Variants in KLHL8 observed in about 807,000 individuals in gnomAD.
The protein encoded by KLHL8 is kelch like family member 8, also known as kelch-like protein 8.
Under a neutral mutation model 63.5 loss-of-function variants are expected in KLHL8, and 38 were observed. The observed-to-expected ratio is 0.60, with a 90% CI of 0.46 to 0.78. The LOEUF is 0.78. KLHL8 is among the 30% of genes least tolerant of loss of function. KLHL8 has a pLI of 0.00. For missense variants in KLHL8, 566 were observed against 752.4 expected, an observed-to-expected ratio of 0.75 and a Z score of 2.90; for synonymous variants, 224 against 254.3, an observed-to-expected ratio of 0.88 and a Z score of 1.13.
intron 1 of KLHL8, chr4:87,219,543 A>G (rs1732736372): frequency 6.6e-6 from 1 of 152,264 alleles, no homozygotes; most frequent in Admixed American, 6.5e-5. Context: ...GAAAATACTG[A>G]ACGTTTTCTA....
upstream of KLHL8, among the ~76,000 whole-genome samples, chr4:87,223,125 GTTTGTTTTGT>G (rs397817772): frequency 9.5e-5 from 14 of 147,830 alleles, no homozygotes; most frequent in East Asian, 4.1e-4. Context: ...TAATTTTTTT[GTTTGTTTTGT>G]TTTGTTTTGT....
intron 1 of KLHL8, among the ~76,000 whole-genome samples, chr4:87,233,543 A>G (rs4458419): frequency 0.62 from 93,703 of 151,874 alleles, 29,384 homozygotes; most frequent in East Asian, 0.85. Context: ...CTGTACTCCA[A>G]CCTGGGCAAC....
chr4:87,211,713 C>A (rs985941229), intron 1 of KLHL8, among the ~76,000 whole-genome samples: 5 of 152,058 alleles, frequency 3.3e-5, no homozygotes, highest in Non-Finnish European at 7.4e-5. Flanking sequence ...TTGCAATGAG[C>A]CGAGATCACT....
At chr4:87,213,659 A>G (rs1462334968) in intron 1 of KLHL8, among the ~76,000 whole-genome samples, 3 of 152,216 alleles carry the variant, frequency 2.0e-5, no homozygotes, top group African/African-American at 4.8e-5. Context: ...TTTTTAAAAG[A>G]ACACAGCATG....
At chr4:87,221,582 C>A (rs1732854432), upstream of KLHL8, among the ~76,000 whole-genome samples, 1 of 151,894 alleles carries the variant, frequency 6.6e-6, no homozygotes, top group African/African-American at 2.4e-5. Context: ...CAAACTTTCA[C>A]AATCCTAGGA....
chr4:87,235,923 A>C (rs1164805661), intron 1 of KLHL8, among the ~76,000 whole-genome samples: 1 of 152,050 alleles, frequency 6.6e-6, no homozygotes, highest in Non-Finnish European at 1.5e-5. Flanking sequence ...GGGAAGGGGG[A>C]ATCGAAGGCG....
rs906332246 is a variant in KLHL8, at chr4:87,162,965, C to G, written c.*554G>C. On this transcript the variant is annotated 3_prime_UTR_variant, in exon 10 of 10. Coordinates refer to ENST00000273963, the MANE Select transcript of KLHL8 (RefSeq NM_020803.5). ...CTAAGTGGCATTCAAAAAGACAGAA[C>G]ATTTTTTCTACTTCCGTAAATATAA... The G allele has an allele frequency of 1.3e-5, 2 of 151,892 alleles. No homozygotes were observed. The highest frequency in any genetic ancestry group is 4.2e-4 in the South Asian group (2 of 4,802). The allele number at this position is 151,892 out of a possible 1,614,324, so 9.4% of individuals were successfully genotyped here. A position where few individuals can be genotyped will look rare whatever the true frequency, so the allele number is the denominator to read the frequency against.
intron 2 of KLHL8, 25 bp downstream of exon 2, chr4:87,195,299 A>G: frequency 6.3e-7 from 1 of 1,595,846 alleles, no homozygotes; most frequent in Non-Finnish European, 8.6e-7. Context: ...GAGGCCTGAG[A>G]AAAGTACAAA....
intron 8 of KLHL8, among the ~76,000 whole-genome samples, chr4:87,169,674 C>A (rs1730561443): frequency 6.6e-6 from 1 of 152,048 alleles, no homozygotes. Context: ...CCAGCCTGGG[C>A]AACACAGCAA....
chr4:87,191,540 T>C (rs1057015205), intron 2 of KLHL8, among the ~76,000 whole-genome samples: 6 of 152,234 alleles, frequency 3.9e-5, no homozygotes, highest in African/African-American at 1.4e-4. Flanking sequence ...CTTACAGTTT[T>C]ATTTTTATTT....
chr4:87,213,420 C>T (rs1039133821), intron 1 of KLHL8, among the ~76,000 whole-genome samples: 3 of 152,136 alleles, frequency 2.0e-5, no homozygotes, highest in Admixed American at 1.3e-4. Context: ...TGAAACCAAA[C>T]GAAAAGCACA....
intron 1 of KLHL8, among the ~76,000 whole-genome samples, chr4:87,232,706 A>G (rs1213061022): frequency 6.6e-6 from 1 of 152,190 alleles, no homozygotes; most frequent in African/African-American, 2.4e-5. Flanking sequence ...CTTAATTTAT[A>G]CCAGTGGTAG....
chr4:87,195,166 T>C lies in KLHL8; in HGVS notation c.216+158A>G, dbSNP rs141021222. 2.6e-3 allele frequency among the ~76,000 whole-genome samples: 403 copies of C among 152,258 alleles called. 4 individuals carry two copies. The highest frequency in any genetic ancestry group is 9.3e-3 in the African/African-American group (386 of 41,540). On this transcript the variant is annotated intron_variant, in intron 2 of 9. Transcript: ENST00000273963. ...AACTTCTCTTCATTTACCCTCTATG[T>C]CCTTTCTCCTACACTAAAAAAAAAG...
rs547285890 is a variant in KLHL8 at position 87,183,398 on chromosome 4, A to G, written c.766-9T>C. On this transcript the variant is annotated splice_polypyrimidine_tract_variant and intron_variant, in intron 3 of 9. Coordinates refer to ENST00000273963, the MANE Select transcript of KLHL8 (RefSeq NM_020803.5). ...AACAATGGCAGGCGAACCTAAGATC[A>G]TGAATAGTTGCAATACAACAAATTT... is the stretch of plus-strand genomic sequence containing the variant. 2.4e-5 allele frequency: 38 copies of G among 1,575,066 alleles called. No individual in the cohort carries two copies. The African/African-American group carries it at 2.4e-4, about 10-fold the overall frequency.
At chr4:87,228,780 T>C (rs1170106846) in intron 1 of KLHL8, among the ~76,000 whole-genome samples, 1 of 152,238 alleles carries the variant, frequency 6.6e-6, no homozygotes, top group Non-Finnish European at 1.5e-5. Context: ...CCCTGGACTT[T>C]GACCATTTTT....
chr4:87,175,422 T>C (rs1347374888), intron 6 of KLHL8, among the ~76,000 whole-genome samples: 3 of 152,186 alleles, frequency 2.0e-5, no homozygotes, highest in Non-Finnish European at 2.9e-5. Flanking sequence ...CTTTTCTCCA[T>C]ATGAAACAAT....
At chr4:87,230,796 T>G (rs1438396930) in intron 1 of KLHL8, among the ~76,000 whole-genome samples, 1 of 152,140 alleles carries the variant, frequency 6.6e-6, no homozygotes, top group African/African-American at 2.4e-5. Context: ...TTTATCCCAC[T>G]CCCTACCTGC....
intron 1 of KLHL8, among the ~76,000 whole-genome samples, 173 bp from the exon 2 acceptor site, chr4:87,195,863 A>G (rs1731676009): frequency 6.6e-6 from 1 of 152,220 alleles, no homozygotes; most frequent in Non-Finnish European, 1.5e-5. Flanking sequence ...TAATTATTTT[A>G]TATCAATAAA....
chr4:87,207,953 C>A lies in KLHL8; in HGVS notation c.-151-12263G>T, dbSNP rs12649293. The A allele has an allele frequency of 1.3e-3, 1,104 of 838,286 alleles. 11 individuals are homozygous for A. In the African/African-American group the frequency reaches 0.015, roughly 12 times the overall value. 51.9% of individuals were successfully genotyped at this position (838,286 alleles called of 1,614,324 possible). A position where few individuals can be genotyped will look rare whatever the true frequency, so the allele number is the denominator to read the frequency against. On this transcript the variant is annotated intron_variant, in intron 1 of 9. Coordinates refer to ENST00000273963, the MANE Select transcript of KLHL8 (RefSeq NM_020803.5). ...GTCTCCTCCAACTTCAACAGCAACACGCACTCTTCCACCTTCAATGTTAGG... is the reference window on the plus strand; with the variant it reads ...GTCTCCTCCAACTTCAACAGCAACAAGCACTCTTCCACCTTCAATGTTAGG...
Sources: gnomAD v4.1 joint callset for allele counts (sites outside exome capture counted in the v4.1 genomes callset) on GRCh38, gnomAD v4.1.1 for gene constraint, MANE v1.5 for transcripts, NCBI Gene and HGNC (gene_info 2026-07-23, HGNC 2026-07-21) for gene names.